Variants in CTNNA2 observed in about 807,000 individuals in gnomAD.
CTNNA2 encodes catenin alpha-2.
CTNNA2 carries 42 observed loss-of-function variants against 101.0 expected under a neutral mutation model. The observed-to-expected ratio is 0.42, with a 90% CI of 0.32 to 0.54. CTNNA2 has a LOEUF of 0.54. Among genes scored for constraint, CTNNA2 ranks in the 20% least tolerant of loss-of-function variants. CTNNA2 has a pLI of 0.14. For synonymous variants in CTNNA2, 450 were observed against 456.4 expected (o/e 0.99, Z 0.18); for missense variants, 871 against 1,223.1 (o/e 0.71, Z 4.29).
intron 1 of CTNNA2, among the ~76,000 whole-genome samples, chr2:79,627,525 A>G (rs2685160): frequency 0.82 from 125,218 of 152,198 alleles, 51,790 homozygotes; most frequent in African/African-American, 0.88. Flanking sequence ...TCACTATTTC[A>G]GGCCCCATTA....
chr2:80,306,527 A>T (rs1677040766), intron 7 of CTNNA2, among the ~76,000 whole-genome samples: 1 of 149,278 alleles, frequency 6.7e-6, no homozygotes, highest in Admixed American at 6.7e-5. Context: ...TGCCTACCTA[A>T]CTCTGGATCA....
chr2:80,465,987 T>A (rs1377559613), intron 9 of CTNNA2, among the ~76,000 whole-genome samples: 4 of 152,196 alleles, frequency 2.6e-5, no homozygotes, highest in African/African-American at 9.6e-5. Context: ...ATCGTCAGCA[T>A]GAGGGGCCAC....
At chr2:79,472,137 A>G (rs201194118) in intron 4 of CTNNA2, among the ~76,000 whole-genome samples, 1 of 152,216 alleles carries the variant, frequency 6.6e-6, no homozygotes, top group Non-Finnish European at 1.5e-5. Context: ...TGCTTCCAAA[A>G]CAAGCAAAGC....
At chr2:80,208,651 C>A (rs1383526986) in intron 7 of CTNNA2, among the ~76,000 whole-genome samples, 5 of 152,080 alleles carry the variant, frequency 3.3e-5, no homozygotes, top group Admixed American at 3.3e-4. Flanking sequence ...TGAGACCTCG[C>A]GTACCATCCC....
intron 2 of CTNNA2, among the ~76,000 whole-genome samples, chr2:79,265,653 G>A (rs190193484): frequency 3.3e-5 from 5 of 152,258 alleles, no homozygotes; most frequent in Non-Finnish European, 5.9e-5. Flanking sequence ...GAACATATAC[G>A]TTTACAGAAT....
chr2:80,298,058 C>G (rs1372738048), intron 7 of CTNNA2: 5 of 150,868 alleles, frequency 3.3e-5, no homozygotes, highest in African/African-American at 1.2e-4. Context: ...TATACACACA[C>G]ACACATGTGT....
At chr2:79,779,341 G>T (rs1674248969) in intron 3 of CTNNA2, among the ~76,000 whole-genome samples, 1 of 152,052 alleles carries the variant, frequency 6.6e-6, no homozygotes, top group African/African-American at 2.4e-5. Context: ...CTCTGTTTCT[G>T]CCAGGCAGTG....
intron 7 of CTNNA2, among the ~76,000 whole-genome samples, chr2:80,004,716 C>T (rs1693211446): frequency 6.8e-6 from 1 of 148,058 alleles, no homozygotes; most frequent in South Asian, 2.2e-4. Context: ...TTTATCCATC[C>T]ATCCGAGATG....
chr2:79,994,219 A>G (rs748199479), intron 7 of CTNNA2, among the ~76,000 whole-genome samples: 5 of 152,148 alleles, frequency 3.3e-5, no homozygotes, highest in Admixed American at 6.6e-5. Context: ...ATCCAGCCAA[A>G]AGAGTTTATT....
intron 4 of CTNNA2, among the ~76,000 whole-genome samples, chr2:79,455,092 G>A (rs958973901): frequency 2.0e-5 from 3 of 151,970 alleles, no homozygotes; most frequent in Admixed American, 6.6e-5. Flanking sequence ...AAATAAAGGG[G>A]GTGTCTGGGT....
At chr2:80,396,978 C>T (rs1236137609) in intron 8 of CTNNA2, among the ~76,000 whole-genome samples, 2 of 152,106 alleles carry the variant, frequency 1.3e-5, no homozygotes, top group African/African-American at 2.4e-5. Flanking sequence ...AGGGTGAGTA[C>T]TTAGAATAGT....
intron 18 of CTNNA2, among the ~76,000 whole-genome samples, chr2:80,640,667 G>A (rs1483841364): frequency 2.0e-5 from 3 of 152,184 alleles, no homozygotes; most frequent in Non-Finnish European, 2.9e-5. Context: ...AAAGCCTCAT[G>A]GATTTTTAAA....
Position 79,641,127 on chromosome 2 carries a change from G to A in CTNNA2, c.-5-10425G>A, listed in dbSNP as rs145091429. Among the ~76,000 whole-genome samples the A allele has an allele frequency of 1.4e-3, 208 of 152,256 alleles. 1 individual carries two copies. Among genetic ancestry groups the A allele is most frequent in the Middle Eastern group, 6.8e-3 (2 of 294 alleles). On this transcript the variant is annotated intron_variant, in intron 1 of 18. Transcript: ENST00000402739. ...ATCCAATAGAGCAGGGTCAGAAAGT[G>A]GAATATCTGCCTGGTTACAAAGAGA... is the stretch of plus-strand genomic sequence containing the variant.
chr2:80,312,546 A>G (rs1278310694), intron 7 of CTNNA2, among the ~76,000 whole-genome samples: 1 of 152,224 alleles, frequency 6.6e-6, no homozygotes, highest in Non-Finnish European at 1.5e-5. Context: ...ACTAGAAGCA[A>G]GTGGGCAAAG....
intron 7 of CTNNA2, among the ~76,000 whole-genome samples, chr2:80,095,092 G>A (rs1700059681): frequency 6.6e-6 from 1 of 152,188 alleles, no homozygotes; most frequent in Non-Finnish European, 1.5e-5. Flanking sequence ...AGTTTTCAAA[G>A]GGAATGCTTC....
At chr2:79,950,723 A>G (rs975984578) in intron 7 of CTNNA2, among the ~76,000 whole-genome samples, 2 of 152,362 alleles carry the variant, frequency 1.3e-5, no homozygotes, top group African/African-American at 4.8e-5. Flanking sequence ...AAAATAGTGT[A>G]GCAGGCACTC....
intron 7 of CTNNA2, among the ~76,000 whole-genome samples, chr2:80,103,484 A>G (rs1279055015): frequency 6.6e-6 from 1 of 152,140 alleles, no homozygotes; most frequent in African/African-American, 2.4e-5. Context: ...TTAGGGCTTC[A>G]ACATATGAAT....
chr2:79,415,607 G>C (rs1237159008), intron 4 of CTNNA2, among the ~76,000 whole-genome samples: 1 of 151,904 alleles, frequency 6.6e-6, no homozygotes, highest in Non-Finnish European at 1.5e-5. Context: ...ATACTATGTG[G>C]GAAAATGCTT....
rs994723659 is a variant in CTNNA2, at chr2:80,091,820, G to A, written c.1056+182023G>A. 5.2e-4 allele frequency among the ~76,000 whole-genome samples: 76 copies of A among 146,818 alleles called. 1 individual carries two copies. Among genetic ancestry groups the A allele is most frequent in the African/African-American group, 1.9e-3 (71 of 36,536 alleles). On this transcript the variant is annotated intron_variant, in intron 7 of 18. Transcript: ENST00000402739. ...AGCCAAATCAATCAGTTGATTTCAAGAAGAAGGACTGGACAAGACAGGAGC... is the reference window on the plus strand; with the variant it reads ...AGCCAAATCAATCAGTTGATTTCAAAAAGAAGGACTGGACAAGACAGGAGC...
Sources: gnomAD v4.1 joint callset for allele counts (sites outside exome capture counted in the v4.1 genomes callset) on GRCh38, gnomAD v4.1.1 for gene constraint, MANE v1.5 for transcripts, NCBI Gene and HGNC (gene_info 2026-07-23, HGNC 2026-07-21) for gene names.